Variants in CTNNA2 observed in about 807,000 individuals in gnomAD.
CTNNA2 encodes catenin alpha-2.
In CTNNA2, 42 loss-of-function variants were observed where a neutral mutation model predicts 101.0. That is an observed-to-expected ratio of 0.42 (90% CI 0.32 to 0.54). The LOEUF is 0.54. Among genes scored for constraint, CTNNA2 ranks in the 20% least tolerant of loss-of-function variants. The pLI, the probability that CTNNA2 is intolerant of heterozygous loss-of-function variation, is 0.14. For synonymous variants in CTNNA2, 450 were observed against 456.4 expected (o/e 0.99, Z 0.18); for missense variants, 871 against 1,223.1 (o/e 0.71, Z 4.29).
At chr2:79,553,820 C>T (rs530507985) in intron 1 of CTNNA2, among the ~76,000 whole-genome samples, 5 of 152,198 alleles carry the variant, frequency 3.3e-5, no homozygotes, top group African/African-American at 1.2e-4. Context: ...AAATACAAAC[C>T]ATAAAATAGG....
At position 80,302,041 on chromosome 2, in the gene CTNNA2, G is replaced by C; in HGVS notation, c.1057-91170G>C. 1 of 589,416 alleles carries C rather than the reference G, an allele frequency of 1.7e-6. No homozygotes were observed. The highest frequency in any genetic ancestry group is 2.9e-5 in the East Asian group (1 of 34,084). The allele number at this position is 589,416 out of a possible 1,614,324, so 36.5% of individuals were successfully genotyped here. A position where few individuals can be genotyped will look rare whatever the true frequency, so the allele number is the denominator to read the frequency against. ...TAAGATAGACTGTCCTGAAGGTTGT[G>C]GGGTGGGGTTTTTTGTTGTGTTTTA... is the stretch of plus-strand genomic sequence containing the variant. On this transcript the variant is annotated intron_variant, in intron 7 of 18. Transcript: ENST00000402739. This position sits in a 1 kb window ranked among gnomAD's most constrained non-coding sequence, Gnocchi z 6.4.
chr2:80,469,435 A>G (rs978017642), intron 9 of CTNNA2, among the ~76,000 whole-genome samples: 24 of 152,214 alleles, frequency 1.6e-4, no homozygotes, highest in African/African-American at 5.8e-4. Flanking sequence ...GCTGGGAAAA[A>G]AGTCAGCTCA....
At chr2:80,377,208 TCCAGCC>T (rs1676037660) in intron 7 of CTNNA2, among the ~76,000 whole-genome samples, 1 of 152,204 alleles carries the variant, frequency 6.6e-6, no homozygotes, top group Non-Finnish European at 1.5e-5. Flanking sequence ...TAAATCCAGA[TCCAGCC>T]TATAAAACAA....
At chr2:79,373,282 A>T (rs571812516) in intron 3 of CTNNA2, among the ~76,000 whole-genome samples, 1 of 152,188 alleles carries the variant, frequency 6.6e-6, no homozygotes, top group Non-Finnish European at 1.5e-5. Flanking sequence ...TCTATCTCCA[A>T]TTGGCTCTAT....
intron 9 of CTNNA2, among the ~76,000 whole-genome samples, chr2:80,479,336 G>A (rs1572992472): frequency 6.6e-6 from 1 of 152,230 alleles, no homozygotes; most frequent in East Asian, 1.9e-4. Context: ...TGAAAAGGAA[G>A]AGATGCTACT....
At chr2:80,296,750 G>A (rs1173554118) in intron 7 of CTNNA2, among the ~76,000 whole-genome samples, 1 of 152,040 alleles carries the variant, frequency 6.6e-6, no homozygotes. Flanking sequence ...ATTTGATGTG[G>A]GGGATGTCCT....
chr2:80,289,802 C>A (rs1675081942), intron 7 of CTNNA2, among the ~76,000 whole-genome samples: 1 of 152,188 alleles, frequency 6.6e-6, no homozygotes, highest in South Asian at 2.1e-4. Context: ...AAAAAGTCAA[C>A]TGACAGGAGG....
chr2:79,289,428 C>T (rs1675727655), intron 2 of CTNNA2, among the ~76,000 whole-genome samples: 1 of 152,056 alleles, frequency 6.6e-6, no homozygotes, highest in African/African-American at 2.4e-5. Context: ...CCCATGGATA[C>T]ATGTGACGAG....
At chr2:80,010,711 A>C (rs960562718) in intron 7 of CTNNA2, among the ~76,000 whole-genome samples, 3 of 104,034 alleles carry the variant, frequency 2.9e-5, no homozygotes, top group African/African-American at 8.2e-5. Context: ...GGTTTTTGCC[A>C]TTCACTTTTT....
At chr2:79,874,914 C>G (rs952200633) in intron 6 of CTNNA2, among the ~76,000 whole-genome samples, 1 of 152,162 alleles carries the variant, frequency 6.6e-6, no homozygotes, top group African/African-American at 2.4e-5. Context: ...TGACGATCAT[C>G]TTTATTATTA....
Position 80,336,087 on chromosome 2 carries a change from A to G in CTNNA2, c.1057-57124A>G, listed in dbSNP as rs184001883. ...CATGTCTTAGTTCATTTTTGCTGCA[A>G]TAACAGACTACCTTAGACTGGCTGA... On this transcript the variant is annotated intron_variant, in intron 7 of 18. Transcript: ENST00000402739. Among the ~76,000 whole-genome samples, 318 of 152,312 alleles carry G rather than the reference A, an allele frequency of 2.1e-3. 6 individuals carry two copies. The South Asian group carries it at 0.024, about 11-fold the overall frequency.
intron 2 of CTNNA2, among the ~76,000 whole-genome samples, chr2:79,268,586 G>A (rs544106901): frequency 2.3e-4 from 35 of 152,056 alleles, no homozygotes; most frequent in Non-Finnish European, 2.6e-4. Context: ...AAACAACCTG[G>A]GGCTTGTGAT....
rs149996090 is a variant in CTNNA2, at chr2:80,240,064, C to T, written c.1057-153147C>T. On this transcript the variant is annotated intron_variant, in intron 7 of 18. Coordinates refer to ENST00000402739, the MANE Select transcript of CTNNA2 (RefSeq NM_001282597.3). ...TAGCTGAAACTCTGGAAAGTGAAAG[C>T]GTGCATAAGTGGGGACTACCATATG... 2.6e-5 allele frequency among the ~76,000 whole-genome samples: 4 copies of T among 152,298 alleles called. No homozygotes were observed. The East Asian group carries it at 5.8e-4, about 22-fold the overall frequency.
intron 3 of CTNNA2, among the ~76,000 whole-genome samples, chr2:79,836,302 A>T (rs1020536501): frequency 6.6e-6 from 1 of 152,192 alleles, no homozygotes; most frequent in African/African-American, 2.4e-5. Flanking sequence ...TAGATGACTA[A>T]ACTTTTACTT....
rs570272144 is a variant in CTNNA2 at position 80,499,196 on chromosome 2, C to T, written c.1291-45786C>T. On this transcript the variant is annotated intron_variant, in intron 9 of 18. Coordinates refer to ENST00000402739, the MANE Select transcript of CTNNA2 (RefSeq NM_001282597.3). ...TGGAAGTAAGCCGAGAAAGGAGTTA[C>T]CTGGTATTTCTCAAACTGTTATATA... Among the ~76,000 whole-genome samples, 377 of 152,176 alleles carry T rather than the reference C, an allele frequency of 2.5e-3. 3 individuals are homozygous for T. Among genetic ancestry groups the T allele is most frequent in the African/African-American group, 8.5e-3 (352 of 41,522 alleles).
Position 80,279,899 on chromosome 2 carries a change from G to T in CTNNA2, c.1057-113312G>T, listed in dbSNP as rs1438445642. ...TATCTCTTCTAAAATGACAATATTGGTTAAATTTGGAATAGGAAGAACAGC... is the reference window on the plus strand; with the variant it reads ...TATCTCTTCTAAAATGACAATATTGTTTAAATTTGGAATAGGAAGAACAGC... On this transcript the variant is annotated intron_variant, in intron 7 of 18. Transcript: ENST00000402739. 3.3e-5 allele frequency among the ~76,000 whole-genome samples: 5 copies of T among 152,086 alleles called. No individual in the cohort carries two copies. In the East Asian group the frequency reaches 9.9e-4, roughly 30 times the overall value.
At chr2:80,217,812 C>A (rs1708355605) in intron 7 of CTNNA2, among the ~76,000 whole-genome samples, 1 of 152,180 alleles carries the variant, frequency 6.6e-6, no homozygotes. Flanking sequence ...GGGTTCAGGG[C>A]TGGACCACTT....
chr2:80,520,366 C>A (rs184710274), intron 9 of CTNNA2, among the ~76,000 whole-genome samples: 2 of 152,040 alleles, frequency 1.3e-5, no homozygotes, highest in East Asian at 3.9e-4. Flanking sequence ...TGGAAAAATT[C>A]CCGACCTGCC....
chr2:79,352,370 A>C (rs1024099797), intron 3 of CTNNA2, among the ~76,000 whole-genome samples: 1 of 152,084 alleles, frequency 6.6e-6, no homozygotes, highest in Non-Finnish European at 1.5e-5. Flanking sequence ...ATTTGTGTGC[A>C]TAGAGGTCTT....
Sources: gnomAD v4.1 joint callset for allele counts (sites outside exome capture counted in the v4.1 genomes callset) on GRCh38, gnomAD v4.1.1 for gene constraint, Gnocchi (gnomAD v3.1) non-coding constraint, MANE v1.5 for transcripts, NCBI Gene and HGNC (gene_info 2026-07-23, HGNC 2026-07-21) for gene names.